The following ANKRD17 variants were observed in gnomAD, a reference collection of about 807,000 sequenced individuals.
The protein encoded by ANKRD17 is ankyrin repeat domain 17, also known as ankyrin repeat domain-containing protein 17.
Under a neutral mutation model 229.7 loss-of-function variants are expected in ANKRD17, and 19 were observed. The observed-to-expected ratio is 0.08, with a 90% confidence interval of 0.06 to 0.12. The LOEUF (loss-of-function observed/expected upper bound fraction) is 0.12, where lower values mean the gene tolerates loss of function less well. ANKRD17 is among the 10% of genes least tolerant of loss of function. The pLI, the probability that ANKRD17 is intolerant of heterozygous loss-of-function variation, is 1.00. For synonymous variants in ANKRD17, 1,112 were observed against 1,146.1 expected, an observed-to-expected ratio of 0.97 and a Z score of 0.60; for missense variants, 2,176 against 3,176.8, an observed-to-expected ratio of 0.68 and a Z score of 7.57.
intron 10 of ANKRD17, 149 bp from the exon 11 acceptor site, chr4:73,144,981 T>C: frequency 1.8e-6 from 1 of 544,574 alleles, no homozygotes; most frequent in South Asian, 3.3e-5. Context: ...AAATATACTT[T>C]TAAATTTAAA....
chr4:73,078,887 G>A lies in ANKRD17; in HGVS notation c.7163C>T (p.Ser2388Phe). ...LTPCSSASND[S>F]SAQSVSSGVR... ...TCCCGAGGATACTGACTGTGCAGAA[G>A]AATCTAGAGAAGAGATATTTTGAAA... Residue 2388 changes from serine (S) to phenylalanine (F), a missense_variant, in exon 31 of 34, where the codon TCT (serine) becomes TTT (phenylalanine). Ser to Phe is a radical substitution (Grantham distance 155, BLOSUM62 -2). Coordinates refer to ENST00000358602, the MANE Select transcript of ANKRD17 (RefSeq NM_032217.5). 1 of 1,611,324 alleles carries A rather than the reference G, an allele frequency of 6.2e-7. No individual in the cohort carries two copies. Among genetic ancestry groups the A allele is most frequent in the Non-Finnish European group, 8.5e-7 (1 of 1,178,850 alleles).
chr4:73,216,023 C>T (rs1284622978), intron 1 of ANKRD17, among the ~76,000 whole-genome samples: 1 of 152,104 alleles, frequency 6.6e-6, no homozygotes, highest in Non-Finnish European at 1.5e-5. Flanking sequence ...TATGACTGTA[C>T]CTGTGAACAG....
At position 73,226,239 on chromosome 4, in the gene ANKRD17, T is replaced by A. The variant is rs188992338; in HGVS notation, c.393+32037A>T. Among the ~76,000 whole-genome samples, 390 of 152,012 alleles carry A rather than the reference T, an allele frequency of 2.6e-3. 1 individual carries two copies. Among genetic ancestry groups the A allele is most frequent in the Middle Eastern group, 0.01 (3 of 294 alleles). On this transcript the variant is annotated intron_variant, in intron 1 of 33. Transcript: ENST00000358602. ...ATCTGCCTGCCTCAGCCACCCAAAG[T>A]GCTGGGATAACAGGCGTGAGCCACC...
intron 1 of ANKRD17, among the ~76,000 whole-genome samples, chr4:73,191,306 A>C (rs1460519592): frequency 6.7e-6 from 1 of 149,480 alleles, no homozygotes; most frequent in Non-Finnish European, 1.5e-5. Flanking sequence ...ACAGCTATGA[A>C]GCTGGAAAAA....
chr4:73,146,659 AC>A, intron 10 of ANKRD17, 104 bp downstream of exon 10: 2 of 835,092 alleles, frequency 2.4e-6, no homozygotes, highest in Non-Finnish European at 3.5e-6. Context: ...AATAAAAAAA[AC>A]AATAAAACTG....
chr4:73,101,279 A>T lies in ANKRD17; in HGVS notation c.4573+1097T>A, dbSNP rs115622959. ...TCATTTGAAGAAATCGATGATCTGG[A>T]TTGTAGATGATATTATGAAATTACC... On this transcript the variant is annotated intron_variant, in intron 25 of 33. Transcript: ENST00000358602. 8.7e-4 allele frequency: 777 copies of T among 895,030 alleles called. 3 individuals carry two copies. In the African/African-American group the frequency reaches 0.013, roughly 15 times the overall value. 55.4% of individuals were successfully genotyped at this position (895,030 alleles called of 1,614,324 possible).
rs753545755 is a variant in ANKRD17, at chr4:73,091,440, C to A, written c.6188G>T (p.Cys2063Phe). The change falls in exon 29 of 34, where the codon TGT becomes TTT. Residue 2063 changes from cysteine (C) to phenylalanine (F), a missense_variant. By Grantham distance (205) the Cys-to-Phe change is radical. Coordinates refer to ENST00000358602, the MANE Select transcript of ANKRD17 (RefSeq NM_032217.5). ...CACTTTATTTGGAGATGCTGATCCA[C>A]AATCCAAAGGGCTGTTTCTAGAAAC... ...GGVSRNSPLD[C>F]GSASPNKVAS... The A allele has an allele frequency of 1.9e-6, 3 of 1,614,076 alleles. No individual in the cohort carries two copies. The African/African-American group carries it at 4.0e-5, about 22-fold the overall frequency.
intron 23 of ANKRD17, among the ~76,000 whole-genome samples, chr4:73,114,547 A>G (rs1247579677): frequency 1.3e-5 from 2 of 151,998 alleles, no homozygotes; most frequent in African/African-American, 4.8e-5. Flanking sequence ...GTATCCTTTA[A>G]CTCCTAGGCT....
chr4:73,126,193 C>T (rs1365410707), intron 16 of ANKRD17, among the ~76,000 whole-genome samples: 4 of 152,126 alleles, frequency 2.6e-5, no homozygotes, highest in Non-Finnish European at 5.9e-5. Flanking sequence ...AGAAAGGGTA[C>T]TCTGGAGATG....
chr4:73,124,288 G>GAAAAAAAAAAAAAAAAAA (rs59284237), intron 18 of ANKRD17, among the ~76,000 whole-genome samples: 1 of 96,228 alleles, frequency 1.0e-5, no homozygotes, highest in African/African-American at 4.6e-5. Context: ...GACTGAATTT[G>GAAAAAAAAAAAAAAAAAA]AAAAAAAAAA....
chr4:73,223,186 G>A (rs1742087073), intron 1 of ANKRD17: 4 of 600,524 alleles, frequency 6.7e-6, no homozygotes, highest in Non-Finnish European at 1.1e-5. Flanking sequence ...AAAGAGCAGG[G>A]GGTGACTCAC....
rs535674726 is a variant in ANKRD17 at position 73,139,048 on chromosome 4, T to G, written c.3085+483A>C. ...GAACTTTATTAATTTTGTAAAAGTG[T>G]TTTTTTTTTTAAATATCCATCAGGT... On this transcript the variant is annotated intron_variant, in intron 15 of 33. Coordinates refer to ENST00000358602, the MANE Select transcript of ANKRD17 (RefSeq NM_032217.5). 1.0e-3 allele frequency among the ~76,000 whole-genome samples: 64 copies of G among 61,718 alleles called. No individual in the cohort carries two copies. In the East Asian group the frequency reaches 0.026, roughly 25 times the overall value. 40.5% of individuals were successfully genotyped at this position (61,718 alleles called of 152,430 possible).
chr4:73,130,953 G>A (rs1185360275), intron 16 of ANKRD17, among the ~76,000 whole-genome samples: 1 of 152,004 alleles, frequency 6.6e-6, no homozygotes, highest in Non-Finnish European at 1.5e-5. Context: ...TGTATGTACA[G>A]AACCCACAAA....
At chr4:73,191,341 ATG>A (rs71655741) in intron 1 of ANKRD17, among the ~76,000 whole-genome samples, 2,934 of 125,260 alleles carry the variant, frequency 0.023, 38 homozygotes, top group African/African-American at 0.029. Context: ...AAAAATATAT[ATG>A]TGTGTGTGTG....
At chr4:73,169,581 C>G (rs1733700509) in intron 2 of ANKRD17, among the ~76,000 whole-genome samples, 1 of 151,928 alleles carries the variant, frequency 6.6e-6, no homozygotes, top group African/African-American at 2.4e-5. Context: ...CAACTATCTA[C>G]ACAAAGTGAG....
intron 1 of ANKRD17, among the ~76,000 whole-genome samples, chr4:73,214,203 G>A (rs1052996813): frequency 8.5e-5 from 13 of 152,156 alleles, no homozygotes; most frequent in African/African-American, 3.1e-4. Context: ...CTATATTGTA[G>A]TTAAAGGATA....
intron 1 of ANKRD17, among the ~76,000 whole-genome samples, chr4:73,197,627 T>C (rs959308443): frequency 3.3e-5 from 5 of 152,246 alleles, no homozygotes; most frequent in African/African-American, 1.2e-4. Flanking sequence ...GGCCAGAAGT[T>C]TGAGACTAGC....
intron 11 of ANKRD17, among the ~76,000 whole-genome samples, chr4:73,143,046 G>C (rs1335458341): frequency 1.3e-5 from 2 of 152,072 alleles, no homozygotes; most frequent in African/African-American, 4.8e-5. Flanking sequence ...AGATACCAAA[G>C]TACCCATTAC....
intron 1 of ANKRD17, among the ~76,000 whole-genome samples, chr4:73,186,513 A>G (rs1736314531): frequency 1.3e-5 from 2 of 152,224 alleles, no homozygotes; most frequent in Admixed American, 1.3e-4. Context: ...TTTTTCATTC[A>G]TACTTGTCTA....
Sources: gnomAD v4.1 joint callset for allele counts (sites outside exome capture counted in the v4.1 genomes callset) on GRCh38, gnomAD v4.1.1 for gene constraint, MANE v1.5 for transcripts, NCBI Gene and HGNC (gene_info 2026-07-23, HGNC 2026-07-21) for gene names.